The following SLC24A4 variants were observed in gnomAD, a reference collection of about 807,000 sequenced individuals.
SLC24A4 encodes the protein sodium/potassium/calcium exchanger 4.
Under a neutral mutation model 79.0 loss-of-function variants are expected in SLC24A4, and 53 were observed. That is an observed-to-expected ratio of 0.67 (90% CI 0.54 to 0.84). The LOEUF is 0.84. SLC24A4 is among the 40% of genes least tolerant of loss of function. SLC24A4 has a pLI of 0.00. For missense variants in SLC24A4, 731 were observed against 822.0 expected (o/e 0.89, Z 1.35); for synonymous variants, 323 against 323.8 (o/e 1.00, Z 0.03).
In SLC24A4 at chr14:92,441,069, C is replaced by T. The variant is rs966053312; in HGVS notation, c.394-1020C>T. 6.6e-6 allele frequency among the ~76,000 whole-genome samples: 1 copy of T among 152,088 alleles called. No individual in the cohort carries two copies. Among genetic ancestry groups the T allele is most frequent in the Non-Finnish European group, 1.5e-5 (1 of 68,010 alleles). ...TGGAGATCGATGCTGTGCCCCCACC[C>T]CAGACTCCGTCAAGCCCAGAGCTCT... On this transcript the variant is annotated intron_variant, in intron 4 of 16. Transcript: ENST00000532405. The surrounding 1 kb of genome is among the most constrained non-coding windows in gnomAD (Gnocchi z 4.6).
At chr14:92,422,222 C>T (rs1891324380) in intron 2 of SLC24A4, among the ~76,000 whole-genome samples, 1 of 152,230 alleles carries the variant, frequency 6.6e-6, no homozygotes, top group African/African-American at 2.4e-5. Context: ...GGGAAGACTA[C>T]AGGAAAGTGT....
At chr14:92,472,647 C>CAT (rs1178021278) in intron 12 of SLC24A4, among the ~76,000 whole-genome samples, 3 of 151,966 alleles carry the variant, frequency 2.0e-5, no homozygotes, top group Admixed American at 6.5e-5. Flanking sequence ...CATATATGTG[C>CAT]ATATATGTAC....
chr14:92,440,957 G>T (rs1413649920), intron 4 of SLC24A4, among the ~76,000 whole-genome samples: 3 of 152,108 alleles, frequency 2.0e-5, no homozygotes, highest in Non-Finnish European at 4.4e-5. Flanking sequence ...TTTGGGTTCT[G>T]CTGAGAGTTT....
chr14:92,449,276 T>TTG (rs1312269586), intron 10 of SLC24A4, 60 bp downstream of exon 10: 2 of 1,479,052 alleles, frequency 1.4e-6, no homozygotes, highest in Non-Finnish European at 1.8e-6. Flanking sequence ...CTCTCCTCTT[T>TTG]TGTGTACACA....
intron 2 of SLC24A4, among the ~76,000 whole-genome samples, chr14:92,383,500 C>T (rs1888967727): frequency 6.6e-6 from 1 of 152,172 alleles, no homozygotes; most frequent in Non-Finnish European, 1.5e-5. Context: ...GCAGCGGGAC[C>T]TCCCCTCCTT....
chr14:92,356,313 G>C (rs1887179143), intron 2 of SLC24A4, among the ~76,000 whole-genome samples: 2 of 152,178 alleles, frequency 1.3e-5, no homozygotes, highest in African/African-American at 4.8e-5. Context: ...TCTATACTTG[G>C]CTTCCACATC....
At chr14:92,373,537 T>C (rs1888326366) in intron 2 of SLC24A4, among the ~76,000 whole-genome samples, 1 of 152,222 alleles carries the variant, frequency 6.6e-6, no homozygotes, top group African/African-American at 2.4e-5. Context: ...AAATGTCCTC[T>C]GAGTGTGAGC....
At chr14:92,450,927 C>G (rs12894869) in intron 10 of SLC24A4, 59,061 of 152,124 alleles carry the variant, frequency 0.39, 11,793 homozygotes, top group South Asian at 0.46. Flanking sequence ...CCCAGAGGCC[C>G]CCGCCTACAC....
At position 92,498,857 on chromosome 14, in the gene SLC24A4, G is replaced by A. The variant is rs1405913602; in HGVS notation, c.*5229G>A. 2 of 152,234 alleles carry A rather than the reference G, an allele frequency of 1.3e-5. No homozygotes were observed. The highest frequency in any genetic ancestry group is 2.9e-5 in the Non-Finnish European group (2 of 68,052). The allele number at this position is 152,234 out of a possible 1,614,324, so 9.4% of individuals were successfully genotyped here. On this transcript the variant is annotated 3_prime_UTR_variant, in exon 17 of 17. Transcript: ENST00000532405. ...GCTTGTTGATAAAGAAAACTCAATC[G>A]GGACACTAGTTTTGTGCTCAGCTTT...
At chr14:92,454,423 T>C (rs531417002) in intron 11 of SLC24A4, among the ~76,000 whole-genome samples, 17 of 152,320 alleles carry the variant, frequency 1.1e-4, no homozygotes, top group African/African-American at 3.6e-4. Flanking sequence ...ACAGAACAAC[T>C]CCAGAAGGAA....
intron 2 of SLC24A4, among the ~76,000 whole-genome samples, chr14:92,356,770 A>G (rs1345624033): frequency 6.6e-6 from 1 of 152,160 alleles, no homozygotes; most frequent in African/African-American, 2.4e-5. Context: ...CTGCAGTAGG[A>G]CACCATTCAG....
chr14:92,481,061 G>GT, intron 12 of SLC24A4, among the ~76,000 whole-genome samples: 1 of 152,318 alleles, frequency 6.6e-6, no homozygotes, highest in South Asian at 2.1e-4. Context: ...CTCTGTATGT[G>GT]TTTTGGGGCA....
intron 7 of SLC24A4, 111 bp downstream of exon 7, chr14:92,443,585 C>A: frequency 1.8e-6 from 2 of 1,096,006 alleles, no homozygotes; most frequent in Non-Finnish European, 2.7e-6. Context: ...TCACAGCACA[C>A]AATAGTGGGG....
chr14:92,439,720 G>T (rs963955276), intron 4 of SLC24A4, among the ~76,000 whole-genome samples: 2 of 152,266 alleles, frequency 1.3e-5, no homozygotes, highest in African/African-American at 2.4e-5. Flanking sequence ...GCCCAGGCAG[G>T]CCTGCCAGCT....
intron 7 of SLC24A4, among the ~76,000 whole-genome samples, chr14:92,444,349 A>G (rs1243213397): frequency 6.6e-6 from 1 of 152,200 alleles, no homozygotes; most frequent in Admixed American, 6.5e-5. Flanking sequence ...GAGACCGTCT[A>G]GTACAAATGC....
At chr14:92,338,109 G>C (rs917004267) in intron 2 of SLC24A4, among the ~76,000 whole-genome samples, 1 of 152,162 alleles carries the variant, frequency 6.6e-6, no homozygotes, top group Non-Finnish European at 1.5e-5. Flanking sequence ...ATGGGGCACA[G>C]AGGTACTCAC....
chr14:92,409,760 A>T (rs916622197), intron 2 of SLC24A4, among the ~76,000 whole-genome samples: 1 of 152,134 alleles, frequency 6.6e-6, no homozygotes, highest in Non-Finnish European at 1.5e-5. Context: ...AGCGCTATTC[A>T]CAATAGCAAA....
chr14:92,459,474 G>A (rs916344532), intron 12 of SLC24A4, among the ~76,000 whole-genome samples: 1 of 152,126 alleles, frequency 6.6e-6, no homozygotes, highest in Non-Finnish European at 1.5e-5. Context: ...CTAGATAGGG[G>A]CCCACCTTCT....
intron 12 of SLC24A4, among the ~76,000 whole-genome samples, chr14:92,473,730 T>C (rs987021067): frequency 1.3e-5 from 2 of 152,194 alleles, no homozygotes; most frequent in Non-Finnish European, 2.9e-5. Flanking sequence ...TCTCCTGACC[T>C]TCAGACCTGC....
Sources: allele counts gnomAD v4.1 joint callset (sites outside exome capture counted in the v4.1 genomes callset), GRCh38; gene constraint gnomAD v4.1.1; non-coding constraint Gnocchi (gnomAD v3.1); transcripts MANE v1.5; gene names NCBI Gene and HGNC (gene_info 2026-07-23, HGNC 2026-07-21).